The following GUCY1A2 variants were observed in gnomAD, a reference collection of about 807,000 sequenced individuals.
GUCY1A2 encodes the protein guanylate cyclase soluble subunit alpha-2.
GUCY1A2 carries 27 observed loss-of-function variants against 63.5 expected under a neutral mutation model. The observed-to-expected ratio is 0.43, with a 90% confidence interval of 0.31 to 0.59. GUCY1A2 has a LOEUF of 0.59. Among genes scored for constraint, GUCY1A2 ranks in the 20% least tolerant of loss-of-function variants. GUCY1A2 has a pLI of 0.11. For missense variants in GUCY1A2, 768 were observed against 913.3 expected, an observed-to-expected ratio of 0.84 and a Z score of 2.05; for synonymous variants, 364 against 343.5, an observed-to-expected ratio of 1.06 and a Z score of -0.66.
At chr11:106,881,031 G>A (rs1277425776) in intron 4 of GUCY1A2, among the ~76,000 whole-genome samples, 2 of 152,152 alleles carry the variant, frequency 1.3e-5, no homozygotes, top group East Asian at 3.9e-4. Context: ...ATTGAAAGGG[G>A]TAAATTAAAT....
At chr11:106,907,655 GTTTGGTTT>G (rs1860231496) in intron 4 of GUCY1A2, among the ~76,000 whole-genome samples, 1 of 152,036 alleles carries the variant, frequency 6.6e-6, no homozygotes, top group South Asian at 2.1e-4. Context: ...AACATGCGGT[GTTTGGTTT>G]TTTGTCCTTG....
At chr11:107,002,034 T>C (rs577620688) in intron 1 of GUCY1A2, among the ~76,000 whole-genome samples, 285 of 149,512 alleles carry the variant, frequency 1.9e-3, no homozygotes, top group Non-Finnish European at 2.9e-3. Flanking sequence ...AAAAAAAAAA[T>C]TGTTGCCCAA....
At chr11:106,755,833 G>C (rs923226798) in intron 6 of GUCY1A2, among the ~76,000 whole-genome samples, 4 of 152,076 alleles carry the variant, frequency 2.6e-5, no homozygotes, top group African/African-American at 9.7e-5. Flanking sequence ...GTTGATTTGG[G>C]GTGGAGAGTT....
At chr11:107,012,014 A>G (rs975090920) in intron 1 of GUCY1A2, among the ~76,000 whole-genome samples, 1 of 152,162 alleles carries the variant, frequency 6.6e-6, no homozygotes, top group Admixed American at 6.5e-5. Flanking sequence ...CTAATTTAAA[A>G]TTAACTTGTC....
chr11:106,757,182 T>C (rs1318835558), intron 6 of GUCY1A2, among the ~76,000 whole-genome samples: 2 of 152,214 alleles, frequency 1.3e-5, no homozygotes, highest in Non-Finnish European at 2.9e-5. Context: ...TCTTGTGCTG[T>C]GTTTTTCAGC....
intron 3 of GUCY1A2, among the ~76,000 whole-genome samples, chr11:106,961,772 AGTTT>A (rs920725790): frequency 6.6e-6 from 1 of 152,170 alleles, no homozygotes; most frequent in Non-Finnish European, 1.5e-5. Context: ...AGGTCTACAT[AGTTT>A]GTTTTTTTTC....
intron 4 of GUCY1A2, chr11:106,828,038 T>A: frequency 1.6e-6 from 1 of 627,540 alleles, no homozygotes; most frequent in East Asian, 2.7e-5. Context: ...TGCCCACTTT[T>A]AATGTAGCTC....
chr11:106,756,383 T>C (rs1863974152), intron 6 of GUCY1A2, among the ~76,000 whole-genome samples: 1 of 152,214 alleles, frequency 6.6e-6, no homozygotes, highest in Non-Finnish European at 1.5e-5. Context: ...AATTTGATTT[T>C]GTCCTCATGA....
chr11:106,774,828 A>C (rs748190920), intron 6 of GUCY1A2, among the ~76,000 whole-genome samples: 6 of 152,148 alleles, frequency 3.9e-5, no homozygotes, highest in Non-Finnish European at 8.8e-5. Flanking sequence ...ATCTGCTTTT[A>C]AACTTGTCCA....
intron 5 of GUCY1A2, among the ~76,000 whole-genome samples, chr11:106,796,697 T>A (rs1864768000): frequency 6.6e-6 from 1 of 152,218 alleles, no homozygotes; most frequent in African/African-American, 2.4e-5. Flanking sequence ...TATCTCTGGC[T>A]GCCCTTAACA....
At chr11:107,016,460 G>C (rs921177795) in intron 1 of GUCY1A2, among the ~76,000 whole-genome samples, 1 of 152,226 alleles carries the variant, frequency 6.6e-6, no homozygotes, top group African/African-American at 2.4e-5. Flanking sequence ...AAAAGCCAAG[G>C]GTAGCTGAAA....
intron 4 of GUCY1A2, chr11:106,826,771 A>C (rs1205878692): frequency 6.2e-7 from 1 of 1,611,218 alleles, no homozygotes; most frequent in South Asian, 1.1e-5. Flanking sequence ...CTGGGTCCAC[A>C]GCCTCATCTG....
intron 6 of GUCY1A2, among the ~76,000 whole-genome samples, chr11:106,773,308 C>G (rs1864291466): frequency 6.6e-6 from 1 of 151,324 alleles, no homozygotes; most frequent in African/African-American, 2.4e-5. Context: ...TGACTTGATT[C>G]TTTTGTTCAA....
At chr11:106,868,157 G>A (rs186486770) in intron 4 of GUCY1A2, among the ~76,000 whole-genome samples, 92 of 152,102 alleles carry the variant, frequency 6.0e-4, no homozygotes, top group African/African-American at 2.0e-3. Context: ...TCTAAAATTT[G>A]GTAGCTATAA....
At chr11:106,919,800 G>A (rs1346437363) in intron 4 of GUCY1A2, among the ~76,000 whole-genome samples, 2 of 152,062 alleles carry the variant, frequency 1.3e-5, no homozygotes, top group Non-Finnish European at 2.9e-5. Flanking sequence ...GAAGAGAAGA[G>A]AATAACATGA....
chr11:106,704,860 A>G (rs1445243371), intron 7 of GUCY1A2, among the ~76,000 whole-genome samples: 1 of 150,542 alleles, frequency 6.6e-6, no homozygotes, highest in Non-Finnish European at 1.5e-5. Flanking sequence ...TATATATTAT[A>G]TGCAGTAAAG....
At chr11:106,706,278 C>A (rs1469830477) in intron 7 of GUCY1A2, among the ~76,000 whole-genome samples, 2 of 152,110 alleles carry the variant, frequency 1.3e-5, no homozygotes, top group African/African-American at 4.8e-5. Context: ...GAGCTTAATA[C>A]TGGGTTTTAC....
At chr11:106,872,479 T>TTC (rs1859692976) in intron 4 of GUCY1A2, among the ~76,000 whole-genome samples, 1 of 152,180 alleles carries the variant, frequency 6.6e-6, no homozygotes, top group Non-Finnish European at 1.5e-5. Context: ...TTTGAATGAC[T>TTC]GGAACTTTAA....
At chr11:106,880,794 A>G (rs1859813125) in intron 4 of GUCY1A2, among the ~76,000 whole-genome samples, 1 of 152,098 alleles carries the variant, frequency 6.6e-6, no homozygotes, top group Non-Finnish European at 1.5e-5. Context: ...CAATATTTCA[A>G]AAAGTTACTG....
Sources: gnomAD v4.1 joint callset for allele counts (sites outside exome capture counted in the v4.1 genomes callset) on GRCh38, gnomAD v4.1.1 for gene constraint, MANE v1.5 for transcripts, NCBI Gene and HGNC (gene_info 2026-07-23, HGNC 2026-07-21) for gene names.